Variants in PLA2G5 observed in about 807,000 individuals in gnomAD.
The protein encoded by PLA2G5 is phospholipase A2 group V.
A neutral mutation model predicts 15.9 loss-of-function variants in PLA2G5; 12 were observed. That is an observed-to-expected ratio of 0.76 (90% CI 0.48 to 1.23). PLA2G5 has a LOEUF of 1.23. Ranked by LOEUF, PLA2G5 falls within the 50% of genes most tolerant of loss-of-function variation. PLA2G5 has a pLI of 0.00. For synonymous variants in PLA2G5, 71 were observed against 71.4 expected (o/e 0.99, Z 0.03); for missense variants, 169 against 177.1 (o/e 0.95, Z 0.26).
chr1:20,054,945 G>C (rs2014361386), intron 1 of PLA2G5: 1 of 152,066 alleles, frequency 6.6e-6, no homozygotes, highest in Non-Finnish European at 1.5e-5. Context: ...TTTCCACTAT[G>C]CCCTCCCCAA....
At chr1:20,078,895 C>T (rs2100581143) in intron 1 of PLA2G5, among the ~76,000 whole-genome samples, 1 of 151,964 alleles carries the variant, frequency 6.6e-6, no homozygotes, top group South Asian at 2.1e-4. Flanking sequence ...TCACTTGACC[C>T]CAGGAATTCG....
intron 1 of PLA2G5, among the ~76,000 whole-genome samples, chr1:20,047,974 AG>A (rs1380079093): frequency 6.6e-6 from 1 of 152,158 alleles, no homozygotes; most frequent in Non-Finnish European, 1.5e-5. Context: ...TAATTTATAC[AG>A]GTTATTGAAA....
At chr1:20,028,895 A>G (rs1406900240) in intron 1 of PLA2G5, among the ~76,000 whole-genome samples, 4 of 152,308 alleles carry the variant, frequency 2.6e-5, no homozygotes, top group Admixed American at 1.3e-4. Context: ...CTGCTGCTCA[A>G]ACCTCTAGGG....
intron 1 of PLA2G5, among the ~76,000 whole-genome samples, chr1:20,031,446 C>T (rs750868775): frequency 2.0e-5 from 3 of 152,116 alleles, no homozygotes; most frequent in Non-Finnish European, 4.4e-5. Context: ...GGAAGATACC[C>T]TGCAGCCATA....
intron 2 of PLA2G5, chr1:20,063,720 T>A (rs547556021): frequency 1.3e-5 from 2 of 152,100 alleles, no homozygotes; most frequent in Non-Finnish European, 2.9e-5. Flanking sequence ...TTGGAGGAGC[T>A]CTTAACACAG....
chr1:20,039,740 G>A (rs980015281), intron 1 of PLA2G5, among the ~76,000 whole-genome samples: 3 of 152,110 alleles, frequency 2.0e-5, no homozygotes, highest in African/African-American at 7.2e-5. Context: ...TACTGACTGT[G>A]TATCTGTGTA....
intron 1 of PLA2G5, chr1:20,076,819 G>C (rs189542527): frequency 1.3e-5 from 2 of 152,382 alleles, no homozygotes; most frequent in Admixed American, 6.5e-5. Context: ...AGACAGGTAA[G>C]CTCCCTGTGG....
At chr1:20,078,202 A>C (rs2015793529) in intron 1 of PLA2G5, among the ~76,000 whole-genome samples, 1 of 152,156 alleles carries the variant, frequency 6.6e-6, no homozygotes, top group Admixed American at 6.5e-5. Context: ...AGCTTGGGCT[A>C]TGCCAGGCTT....
At chr1:20,055,880 T>C (rs1295073268) in intron 1 of PLA2G5, among the ~76,000 whole-genome samples, 1 of 152,200 alleles carries the variant, frequency 6.6e-6, no homozygotes, top group African/African-American at 2.4e-5. Flanking sequence ...TGCAACAGCA[T>C]GTTGAACAGA....
At chr1:20,033,157 G>T (rs2013058394) in intron 1 of PLA2G5, among the ~76,000 whole-genome samples, 1 of 152,196 alleles carries the variant, frequency 6.6e-6, no homozygotes, top group Non-Finnish European at 1.5e-5. Context: ...CTGTTGAGAG[G>T]TAGTATGGGG....
chr1:20,088,360 C>CAA (rs890110371), intron 3 of PLA2G5, among the ~76,000 whole-genome samples: 5 of 99,170 alleles, frequency 5.0e-5, no homozygotes, highest in Admixed American at 4.4e-4. Flanking sequence ...AACTCCGTTT[C>CAA]AAAAAAAAAA....
chr1:20,064,325 G>A (rs1279905983), intron 2 of PLA2G5, among the ~76,000 whole-genome samples: 1 of 152,200 alleles, frequency 6.6e-6, no homozygotes, highest in Non-Finnish European at 1.5e-5. Context: ...TATAATCCCA[G>A]CACTTTGGGA....
chr1:20,034,640 G>T (rs1569620149), intron 1 of PLA2G5, among the ~76,000 whole-genome samples: 2 of 152,134 alleles, frequency 1.3e-5, no homozygotes, highest in South Asian at 4.2e-4. Context: ...GGGTTAAGGG[G>T]ATATTGAGAC....
chr1:20,041,185 C>T (rs1578642), intron 1 of PLA2G5, among the ~76,000 whole-genome samples: 76,997 of 151,978 alleles, frequency 0.51, 20,725 homozygotes, highest in Non-Finnish European at 0.62. Flanking sequence ...TGATCTTTGA[C>T]GAATCTCCTA....
At chr1:20,063,039 T>C (rs2100481938) in intron 2 of PLA2G5, among the ~76,000 whole-genome samples, 1 of 151,948 alleles carries the variant, frequency 6.6e-6, no homozygotes. Context: ...CTGTGTTTGG[T>C]TTACATTGAA....
upstream of PLA2G5, among the ~76,000 whole-genome samples, chr1:20,067,210 G>A (rs1275689971): frequency 6.6e-6 from 1 of 152,130 alleles, no homozygotes; most frequent in Non-Finnish European, 1.5e-5. Flanking sequence ...GCCCAGGCTA[G>A]TCTCCGAGTC....
chr1:20,076,510 A>G (rs988594437), intron 1 of PLA2G5, among the ~76,000 whole-genome samples: 3 of 152,198 alleles, frequency 2.0e-5, no homozygotes, highest in African/African-American at 7.2e-5. Flanking sequence ...TGACAGACAG[A>G]TGGGTCAGGT....
At chr1:20,029,452 CT>C (rs1456657825) in intron 1 of PLA2G5, among the ~76,000 whole-genome samples, 1 of 151,970 alleles carries the variant, frequency 6.6e-6, no homozygotes, top group Non-Finnish European at 1.5e-5. Flanking sequence ...TGTTCTTCCG[CT>C]GATCTGCTCC....
chr1:20,041,778 G>A (rs926589258), intron 1 of PLA2G5, among the ~76,000 whole-genome samples: 16 of 152,160 alleles, frequency 1.1e-4, no homozygotes, highest in African/African-American at 2.9e-4. Flanking sequence ...GGAAGAGATC[G>A]ATTGGTGGAA....
Sources: gnomAD v4.1 joint callset for allele counts (sites outside exome capture counted in the v4.1 genomes callset) on GRCh38, gnomAD v4.1.1 for gene constraint, MANE v1.5 for transcripts, NCBI Gene and HGNC (gene_info 2026-07-23, HGNC 2026-07-21) for gene names.